Variants in SAMD15 observed in about 807,000 individuals in gnomAD.
SAMD15 encodes sterile alpha motif domain containing 15.
Under a neutral mutation model 50.5 loss-of-function variants are expected in SAMD15, and 37 were observed. The ratio of observed to expected loss-of-function variants is 0.73; its 90% CI spans 0.56 to 0.96. The LOEUF (loss-of-function observed/expected upper bound fraction) is 0.96. SAMD15 is among the 40% of genes least tolerant of loss of function. SAMD15 has a pLI of 0.00. For missense variants in SAMD15, 789 were observed against 783.8 expected (o/e 1.01, Z -0.08); for synonymous variants, 255 against 282.8 (o/e 0.90, Z 0.99).
Position 77,378,868 on chromosome 14 carries a change from A to G in SAMD15, c.1450A>G (p.Lys484Glu). 1 of 1,614,080 alleles carries G rather than the reference A, an allele frequency of 6.2e-7. No individual in the cohort carries two copies. The highest frequency in any genetic ancestry group is 2.2e-5 in the East Asian group (1 of 44,882). Residue 484 changes from lysine (K) to glutamate (E), a missense_variant, in exon 1 of 3, where the codon AAA becomes GAA. By Grantham distance (56) the Lys-to-Glu change is moderately conservative. Around this residue, in one of 2 missense-constraint regions of SAMD15, gnomAD observed 770 missense variants for 745.4 expected, o/e 1.03. Transcript: ENST00000216471. ...TTATGAGTTTTTGCAACCACTCCAAAAATTGCTTAATGTCAGTGAAGAATG... is the reference window on the plus strand; with the variant it reads ...TTATGAGTTTTTGCAACCACTCCAAGAATTGCTTAATGTCAGTGAAGAATG... ...THYEFLQPLQKLLNVSEECSY... is the reference protein window; with the variant it reads ...THYEFLQPLQELLNVSEECSY...
chr14:77,391,264 G>T lies in SAMD15; in HGVS notation c.*20G>T, dbSNP rs531032575. 2 of 1,468,642 alleles carry T rather than the reference G, an allele frequency of 1.4e-6. No homozygotes were observed. The highest frequency in any genetic ancestry group is 4.6e-5 in the East Asian group (2 of 43,922). 91.0% of individuals were successfully genotyped at this position (1,468,642 alleles called of 1,614,324 possible). ...CCATAGGGGAAATCCACTTCACAGA[G>T]CTTGAAAGATCAAACTAAATTACTT... On this transcript the variant is annotated 3_prime_UTR_variant, in exon 3 of 3. Transcript: ENST00000216471.
At position 77,391,302 on chromosome 14, in the gene SAMD15, A is replaced by G. The variant is rs1894069771; in HGVS notation, c.*58A>G. On this transcript the variant is annotated 3_prime_UTR_variant, in exon 3 of 3. Coordinates refer to ENST00000216471, the MANE Select transcript of SAMD15 (RefSeq NM_001010860.4). ...AACTAAATTACTTGAGGGAAGAGGT[A>G]TGGTCTTTTTTGGTTTTCTTTTTCT... 9.4e-7 allele frequency: 1 copy of G among 1,066,176 alleles called. No individual in the cohort carries two copies. Among genetic ancestry groups the G allele is most frequent in the Admixed American group, 2.3e-5 (1 of 43,890 alleles). 66.0% of individuals were successfully genotyped at this position (1,066,176 alleles called of 1,614,324 possible). A position where few individuals can be genotyped will look rare whatever the true frequency, so the allele number is the denominator to read the frequency against.
Position 77,391,124 on chromosome 14 carries a change from TG to T in SAMD15, c.1908del (p.Ile637Ter), listed in dbSNP as rs1299297826. 6.2e-7 allele frequency: 1 copy of T among 1,613,818 alleles called. No homozygotes were observed. The highest frequency in any genetic ancestry group is 1.1e-5 in the South Asian group (1 of 91,070). On this transcript the variant is annotated frameshift_variant, in exon 3 of 3. Transcript: ENST00000216471. LOFTEE classifies it low-confidence loss of function (END_TRUNC). ...TATATTTAGAGCAAAAAGGTCATAC[TG>T]GGATAAAATCTGATTCCTTGACTTT... ...GLYLEQKGHT[G>X]IKSDSLTLSE...
At chr14:77,382,555 C>T (rs778388220) in intron 2 of SAMD15, among the ~76,000 whole-genome samples, 1 of 152,076 alleles carries the variant, frequency 6.6e-6, no homozygotes, top group African/African-American at 2.4e-5. Flanking sequence ...CCACCACGCC[C>T]GACTTATATT....
chr14:77,377,833 G>C lies in SAMD15; in HGVS notation c.415G>C (p.Glu139Gln), dbSNP rs1893867376. 1 of 1,614,048 alleles carries C rather than the reference G, an allele frequency of 6.2e-7. No individual in the cohort carries two copies. The highest frequency in any genetic ancestry group is 8.5e-7 in the Non-Finnish European group (1 of 1,179,914). ...THKESDLEPP[E>Q]EAKPNVTEDV... ...TAAAGAGTCAGACCTAGAGCCACCA[G>C]AGGAGGCTAAACCAAATGTTACAGA... The change falls in exon 1 of 3, where the codon GAG becomes CAG. Residue 139 changes from glutamate to glutamine, a missense_variant. Transcript: ENST00000216471.
intron 1 of SAMD15, 165 bp downstream of exon 1, chr14:77,379,272 A>ATATTTG: frequency 1.6e-6 from 1 of 633,610 alleles, no homozygotes. Context: ...CCACTGATGT[A>ATATTTG]TATTTGTATT....
rs774173295 is a variant in SAMD15, at chr14:77,377,986, C to G, written c.568C>G (p.Pro190Ala). The G allele has an allele frequency of 2.5e-6, 4 of 1,613,942 alleles. No homozygotes were observed. The East Asian group carries it at 6.7e-5, about 27-fold the overall frequency. The part of the protein sequence containing the change: ...NLELLEEETE[P>A]GVPEESLRVQ... ...AGAATTACTAGAGGAGGAGACTGAA[C>G]CGGGGGTTCCAGAGGAATCACTTAG... Residue 190 changes from proline (P) to alanine (A), a missense_variant, in exon 1 of 3, where the codon CCG (proline) becomes GCG (alanine). Transcript: ENST00000216471.
chr14:77,388,319 A>G (rs1441883351), intron 2 of SAMD15, among the ~76,000 whole-genome samples: 2 of 152,024 alleles, frequency 1.3e-5, no homozygotes, highest in African/African-American at 4.8e-5. Context: ...TGAGATGCCT[A>G]CCAAACAAGG....
At chr14:77,385,700 G>A (rs1460157586) in intron 2 of SAMD15, among the ~76,000 whole-genome samples, 4 of 152,014 alleles carry the variant, frequency 2.6e-5, no homozygotes, top group South Asian at 2.1e-4. Context: ...TCTGTCTCTC[G>A]CCTTACAGTA....
intron 2 of SAMD15, among the ~76,000 whole-genome samples, chr14:77,385,277 C>CT (rs111704350): frequency 0.17 from 26,289 of 150,612 alleles, 2,581 homozygotes; most frequent in Middle Eastern, 0.28. Flanking sequence ...CCCCACTTGC[C>CT]TTTTTTTTTC....
Position 77,391,510 on chromosome 14 carries a change from G to A in SAMD15, c.*266G>A. On this transcript the variant is annotated 3_prime_UTR_variant, in exon 3 of 3. Coordinates refer to ENST00000216471, the MANE Select transcript of SAMD15 (RefSeq NM_001010860.4). ...TTTTTGTATTTTTAGTAGATATGAT[G>A]TTTCACCATGTTGGCCAGGCTGGTC... 1 of 288,228 alleles carries A rather than the reference G, an allele frequency of 3.5e-6. No individual in the cohort carries two copies. Among genetic ancestry groups the A allele is most frequent in the Non-Finnish European group, 6.4e-6 (1 of 155,750 alleles). The allele number at this position is 288,228 out of a possible 1,614,324, so 17.9% of individuals were successfully genotyped here.
chr14:77,390,306 AT>A (rs1362459912), intron 2 of SAMD15, among the ~76,000 whole-genome samples: 2 of 151,690 alleles, frequency 1.3e-5, no homozygotes, highest in Non-Finnish European at 2.9e-5. Flanking sequence ...CTGAGTTATA[AT>A]TTTTTTTCTT....
intron 1 of SAMD15, 143 bp downstream of exon 1, chr14:77,379,250 AT>A: frequency 1.3e-6 from 1 of 747,274 alleles, no homozygotes; most frequent in Non-Finnish European, 2.2e-6. Flanking sequence ...TTGGATTTTA[AT>A]TTTGGCCTTG....
chr14:77,380,940 C>T (rs1243862773), intron 2 of SAMD15, among the ~76,000 whole-genome samples: 1 of 152,214 alleles, frequency 6.6e-6, no homozygotes, highest in African/African-American at 2.4e-5. Flanking sequence ...TCCCCTACCA[C>T]TCCTCCACAT....
chr14:77,389,528 T>G, intron 2 of SAMD15, among the ~76,000 whole-genome samples: 1 of 125,074 alleles, frequency 8.0e-6, no homozygotes. Context: ...TGAGACAGAG[T>G]CTCTCTCTGT....
chr14:77,389,884 G>A (rs1406217840), intron 2 of SAMD15, among the ~76,000 whole-genome samples: 1 of 152,090 alleles, frequency 6.6e-6, no homozygotes, highest in African/African-American at 2.4e-5. Context: ...TGAAAATTGT[G>A]GCAAAAGATA....
At position 77,391,822 on chromosome 14, in the gene SAMD15, G is replaced by T. The variant is rs113692046; in HGVS notation, c.*578G>T. ...TAATCCTAGCTCTTTGGGTGGCTGA[G>T]GCGGGCAGATCACCTAAGGTCAGGA... is the stretch of plus-strand genomic sequence containing the variant. On this transcript the variant is annotated 3_prime_UTR_variant, in exon 3 of 3. Coordinates refer to ENST00000216471, the MANE Select transcript of SAMD15 (RefSeq NM_001010860.4). Among the ~76,000 whole-genome samples, 1,365 of 152,248 alleles carry T rather than the reference G, an allele frequency of 9.0e-3. 8 individuals carry two copies. Among genetic ancestry groups the T allele is most frequent in the South Asian group, 0.018 (86 of 4,816 alleles).
At chr14:77,380,323 T>G (rs1893929330) in intron 1 of SAMD15, 60 bp from the exon 2 acceptor site, 2 of 1,020,690 alleles carry the variant, frequency 2.0e-6, no homozygotes, top group Admixed American at 1.7e-5. Context: ...CCCCCTTCCC[T>G]CCCTTTCTTC....
At chr14:77,383,924 T>C (rs12889722) in intron 2 of SAMD15, among the ~76,000 whole-genome samples, 84,316 of 148,436 alleles carry the variant, frequency 0.57, 26,595 homozygotes, top group African/African-American at 0.85. Flanking sequence ...GAGCCAAGAT[T>C]GTGCTCTCCA....
Sources: gnomAD v4.1 joint callset for allele counts (sites outside exome capture counted in the v4.1 genomes callset) on GRCh38, gnomAD v4.1.1 for gene constraint, gnomAD v4.1.1 regional missense constraint, MANE v1.5 for transcripts, NCBI Gene and HGNC (gene_info 2026-07-23, HGNC 2026-07-21) for gene names.